Variants in TRPC5 observed in about 807,000 individuals in gnomAD.
The protein encoded by TRPC5 is short transient receptor potential channel 5.
A neutral mutation model predicts 56.5 loss-of-function variants in TRPC5; 9 were observed. The observed-to-expected ratio is 0.16, with a 90% CI of 0.10 to 0.28. The LOEUF is 0.28. Ranked by LOEUF, TRPC5 falls within the 10% of genes least tolerant of loss-of-function variation. The pLI, the probability that TRPC5 is intolerant of heterozygous loss-of-function variation, is 1.00. For synonymous variants in TRPC5, 282 were observed against 278.5 expected (o/e 1.01, Z -0.13); for missense variants, 469 against 748.9 (o/e 0.63, Z 4.36).
intron 3 of TRPC5, chrX:111,901,846 C>A (rs1221392172): frequency 2.7e-6 from 3 of 1,120,885 alleles, no homozygotes; most frequent in Non-Finnish European, 3.5e-6. Context: ...AAGAGCACTG[C>A]AGCATGGATT....
At position 111,960,853 on chromosome X, in the gene TRPC5, C is replaced by G. The variant is rs1406916761; in HGVS notation, c.-21-8412G>C. Among the ~76,000 whole-genome samples the G allele has an allele frequency of 4.5e-5, 5 of 111,322 alleles. No individual in the cohort carries two copies. In the Admixed American group the frequency reaches 4.8e-4, roughly 11 times the overall value. On this transcript the variant is annotated intron_variant, in intron 1 of 10. Coordinates refer to ENST00000262839, the MANE Select transcript of TRPC5 (RefSeq NM_012471.3). ...ATTATTTTTGAGACAGAGTCTCACT[C>G]TGTTGCCCAGTGCAGTGGTGCGATC...
intron 2 of TRPC5, among the ~76,000 whole-genome samples, chrX:111,920,246 G>A (rs746074329): frequency 2.9e-4 from 32 of 111,071 alleles, no homozygotes; most frequent in African/African-American, 9.9e-4. Flanking sequence ...CTACACTCCA[G>A]CCTGGGTGAC....
chrX:111,916,963 C>T (rs1925995359), intron 2 of TRPC5, among the ~76,000 whole-genome samples: 1 of 112,811 alleles, frequency 8.9e-6, no homozygotes, highest in African/African-American at 3.2e-5. Flanking sequence ...TGATAAAAGG[C>T]CTCATATGCC....
intron 1 of TRPC5, among the ~76,000 whole-genome samples, chrX:112,079,536 C>T (rs1930913261): frequency 8.9e-6 from 1 of 111,996 alleles, no homozygotes; most frequent in Non-Finnish European, 1.9e-5. Context: ...AATTCCATTC[C>T]CAGTCAAAGC....
rs181956985 is a variant in TRPC5 at position 111,826,713 on chromosome X, A to G, written c.1896+8208T>C. ...GGTTTGGACTGTTTAGTGGAAGTGA[A>G]AGGTGGCAGGGTTTATGTTTTGTTC... is the stretch of plus-strand genomic sequence containing the variant. On this transcript the variant is annotated intron_variant, in intron 7 of 10. Transcript: ENST00000262839. Among the ~76,000 whole-genome samples, 15 of 112,488 alleles carry G rather than the reference A, an allele frequency of 1.3e-4. No individual in the cohort carries two copies. In the East Asian group the frequency reaches 4.2e-3, roughly 31 times the overall value.
intron 1 of TRPC5, among the ~76,000 whole-genome samples, chrX:112,048,834 A>G (rs1357317216): frequency 8.9e-6 from 1 of 112,160 alleles, no homozygotes; most frequent in African/African-American, 3.2e-5. Context: ...AAAAACAAAC[A>G]ATAAAAGGAA....
chrX:111,966,285 G>A (rs1725245663), intron 1 of TRPC5, among the ~76,000 whole-genome samples: 1 of 111,880 alleles, frequency 8.9e-6, no homozygotes, highest in Admixed American at 9.4e-5. Context: ...CCAGGAAGAA[G>A]TTGAACCTCT....
chrX:111,879,997 C>T (rs1266661566), intron 3 of TRPC5, among the ~76,000 whole-genome samples: 5 of 111,432 alleles, frequency 4.5e-5, no homozygotes, highest in Non-Finnish European at 9.4e-5. Context: ...AAATGACTTT[C>T]TCAGAATGAC....
intron 1 of TRPC5, among the ~76,000 whole-genome samples, chrX:112,008,599 C>CAAAAAAAAAAAAAAAAAA (rs771663324): frequency 2.4e-4 from 18 of 74,029 alleles, no homozygotes; most frequent in African/African-American, 7.1e-4. Flanking sequence ...GACTCTGTCT[C>CAAAAAAAAAAAAAAAAAA]AAAAAAAAAA....
At chrX:112,055,775 TTA>T (rs909942740) in intron 1 of TRPC5, among the ~76,000 whole-genome samples, 6 of 108,457 alleles carry the variant, frequency 5.5e-5, no homozygotes, top group East Asian at 2.8e-4. Flanking sequence ...TTTATATAAT[TTA>T]TATATATATA....
At chrX:111,907,807 T>C (rs756058085) in intron 3 of TRPC5, among the ~76,000 whole-genome samples, 19 of 110,840 alleles carry the variant, frequency 1.7e-4, no homozygotes, top group Non-Finnish European at 3.4e-4. Flanking sequence ...AAGATCAAAA[T>C]CATGACTTTT....
intron 1 of TRPC5, among the ~76,000 whole-genome samples, chrX:111,970,308 G>A (rs1031592800): frequency 9.0e-6 from 1 of 111,601 alleles, no homozygotes; most frequent in African/African-American, 3.3e-5. Flanking sequence ...AACTTTTAAC[G>A]TTTTAACTTT....
chrX:112,010,494 C>CTA (rs950123588), intron 1 of TRPC5, among the ~76,000 whole-genome samples: 1 of 111,443 alleles, frequency 9.0e-6, no homozygotes, highest in African/African-American at 3.3e-5. Context: ...AGGGTATAGC[C>CTA]TACTAGGAAC....
intron 2 of TRPC5, among the ~76,000 whole-genome samples, chrX:111,942,134 A>G (rs1926798049): frequency 9.0e-6 from 1 of 111,212 alleles, no homozygotes; most frequent in Non-Finnish European, 1.9e-5. Flanking sequence ...TCTCCCTTAG[A>G]CACTCTAGTT....
intron 7 of TRPC5, among the ~76,000 whole-genome samples, chrX:111,820,768 C>G: frequency 9.0e-6 from 1 of 111,697 alleles, no homozygotes; most frequent in Admixed American, 9.6e-5. Context: ...TCCGGGAAGT[C>G]TTATACATTA....
chrX:111,979,404 G>A lies in TRPC5; in HGVS notation c.-21-26963C>T, dbSNP rs1367542747. On this transcript the variant is annotated intron_variant, in intron 1 of 10. Coordinates refer to ENST00000262839, the MANE Select transcript of TRPC5 (RefSeq NM_012471.3). ...TATAATGAAAAATCTTTGTGACCAC[G>A]AGCTAAGCAATGATTTCTTCGATAT... 3.6e-5 allele frequency among the ~76,000 whole-genome samples: 4 copies of A among 110,860 alleles called. No individual in the cohort carries two copies. The South Asian group carries it at 1.5e-3, about 42-fold the overall frequency.
intron 1 of TRPC5, among the ~76,000 whole-genome samples, chrX:112,035,077 C>CTT (rs1182759042): frequency 1.2e-5 from 1 of 82,054 alleles, no homozygotes. Flanking sequence ...TGAAGTTTTC[C>CTT]TTTTTTTTTT....
chrX:112,042,810 ATT>A (rs34692008), intron 1 of TRPC5, among the ~76,000 whole-genome samples: 12,903 of 105,011 alleles, frequency 0.12, 660 homozygotes, highest in African/African-American at 0.16. Flanking sequence ...TCTTAGCTAT[ATT>A]TTTTTTTTTT....
At chrX:112,063,801 GT>G (rs930570928) in intron 1 of TRPC5, among the ~76,000 whole-genome samples, 12 of 111,147 alleles carry the variant, frequency 1.1e-4, no homozygotes, top group Non-Finnish European at 2.3e-4. Flanking sequence ...TTTGTTTTTG[GT>G]TTTTTTTGAG....
Sources: gnomAD v4.1 joint callset for allele counts (sites outside exome capture counted in the v4.1 genomes callset) on GRCh38, gnomAD v4.1.1 for gene constraint, MANE v1.5 for transcripts, NCBI Gene and HGNC (gene_info 2026-07-23, HGNC 2026-07-21) for gene names.